PGM5: variants seen among roughly 807,000 people sequenced by gnomAD.
The protein encoded by PGM5 is phosphoglucomutase-like protein 5.
PGM5 carries 23 observed loss-of-function variants against 59.2 expected under a neutral mutation model. The ratio of observed to expected loss-of-function variants is 0.39; its 90% CI spans 0.28 to 0.55. The LOEUF (loss-of-function observed/expected upper bound fraction) is 0.55. Ranked by LOEUF, PGM5 falls within the 20% of genes least tolerant of loss-of-function variation. The pLI, the probability that PGM5 is intolerant of heterozygous loss-of-function variation, is 0.66. For synonymous variants in PGM5, 214 were observed against 286.0 expected (o/e 0.75, Z 2.54); for missense variants, 574 against 748.3 (o/e 0.77, Z 2.72).
chr9:68,377,742 G>T, intron 1 of PGM5, among the ~76,000 whole-genome samples: 1 of 152,278 alleles, frequency 6.6e-6, no homozygotes, highest in Non-Finnish European at 1.5e-5. Flanking sequence ...CAGGTGATGA[G>T]GTTGTACTAA....
In PGM5 at chr9:68,407,136, C is replaced by T. The variant is rs572266088; in HGVS notation, c.1043+14663C>T. Among the ~76,000 whole-genome samples the T allele has an allele frequency of 1.2e-3, 175 of 150,554 alleles. 1 individual carries two copies. Among genetic ancestry groups the T allele is most frequent in the Middle Eastern group, 3.4e-3 (1 of 294 alleles). ...AGTTAGTGACCTAGGAATAGACGTA[C>T]GTTTTTTTGGGGTGGGGAAGGGGTC... On this transcript the variant is annotated intron_variant, in intron 6 of 10. Coordinates refer to ENST00000396396, the MANE Select transcript of PGM5 (RefSeq NM_021965.4).
chr9:68,373,778 A>G (rs1821800254), intron 1 of PGM5, among the ~76,000 whole-genome samples: 1 of 152,236 alleles, frequency 6.6e-6, no homozygotes, highest in African/African-American at 2.4e-5. Context: ...TCCAATGAGG[A>G]TGTCCCTGGT....
chr9:68,407,827 C>T (rs1822850365), intron 6 of PGM5, among the ~76,000 whole-genome samples: 1 of 152,220 alleles, frequency 6.6e-6, no homozygotes, highest in South Asian at 2.1e-4. Context: ...ACATCCTGAG[C>T]AAAAGAATTG....
intron 6 of PGM5, among the ~76,000 whole-genome samples, chr9:68,404,494 A>G (rs11141457): frequency 0.05 from 7,663 of 152,228 alleles, 614 homozygotes; most frequent in East Asian, 0.41. Context: ...ATTAAGTACA[A>G]TGAGATCCTC....
Position 68,529,558 on chromosome 9 carries a change from C to A in PGM5, c.1615-9C>A, listed in dbSNP as rs1187991907. On this transcript the variant is annotated splice_polypyrimidine_tract_variant and intron_variant, in intron 10 of 10. Coordinates refer to ENST00000396396, the MANE Select transcript of PGM5 (RefSeq NM_021965.4). Reference sequence around the variant, plus strand: ...GAGTTGTTCACAGACTTTCCTTTTCCTTTTGCAGGCAGTGCTGAGCCCTCT... The same window carrying A: ...GAGTTGTTCACAGACTTTCCTTTTCATTTTGCAGGCAGTGCTGAGCCCTCT... 6.3e-7 allele frequency: 1 copy of A among 1,579,970 alleles called. No individual in the cohort carries two copies. Among genetic ancestry groups the A allele is most frequent in the African/African-American group, 1.3e-5 (1 of 74,450 alleles).
intron 6 of PGM5, among the ~76,000 whole-genome samples, chr9:68,460,988 T>A (rs1296707654): frequency 1.3e-5 from 2 of 152,150 alleles, no homozygotes; most frequent in Admixed American, 1.3e-4. Context: ...TTGGATTGAT[T>A]TCAGTGATGA....
chr9:68,522,017 G>A (rs1457621892), intron 10 of PGM5, among the ~76,000 whole-genome samples: 1 of 152,134 alleles, frequency 6.6e-6, no homozygotes, highest in Non-Finnish European at 1.5e-5. Context: ...CACTTTGGGA[G>A]GCCAAGACAG....
intron 6 of PGM5, among the ~76,000 whole-genome samples, chr9:68,416,978 T>C (rs1198160123): frequency 6.6e-6 from 1 of 152,158 alleles, no homozygotes; most frequent in Non-Finnish European, 1.5e-5. Context: ...TGTTGACAGA[T>C]TTTTTTTCCT....
intron 6 of PGM5, among the ~76,000 whole-genome samples, chr9:68,433,116 A>G (rs1285802079): frequency 1.3e-5 from 2 of 152,194 alleles, no homozygotes; most frequent in South Asian, 4.1e-4. Context: ...TGTAGTTTCT[A>G]GGTCAAAGAG....
intron 9 of PGM5, among the ~76,000 whole-genome samples, chr9:68,496,574 A>C (rs954512575): frequency 7.9e-5 from 12 of 152,242 alleles, no homozygotes; most frequent in African/African-American, 2.9e-4. Context: ...CATCTTTGTC[A>C]TCTTTCCAAG....
Position 68,357,060 on chromosome 9 carries a change from G to C in PGM5, c.-68G>C. On this transcript the variant is annotated 5_prime_UTR_variant, in exon 1 of 11. Transcript: ENST00000396396. ...GTCCCGGCGCGCAGCCAGGCTGGTG[G>C]AGGCCCCCGGCAGGCTGCAGATTCC... 1 of 1,387,066 alleles carries C rather than the reference G, an allele frequency of 7.2e-7. No individual in the cohort carries two copies. The highest frequency in any genetic ancestry group is 1.6e-5 in the South Asian group (1 of 64,184). 85.9% of individuals were successfully genotyped at this position (1,387,066 alleles called of 1,614,324 possible).
At chr9:68,360,244 T>C (rs1475725713) in intron 1 of PGM5, among the ~76,000 whole-genome samples, 2 of 151,988 alleles carry the variant, frequency 1.3e-5, no homozygotes, top group Non-Finnish European at 2.9e-5. Flanking sequence ...TATTTTAATA[T>C]CTCATAAAGT....
chr9:68,395,909 T>A (rs1224232821), intron 6 of PGM5: 1 of 151,362 alleles, frequency 6.6e-6, no homozygotes. Flanking sequence ...CACCAAAGAG[T>A]GGTATGTGAT....
chr9:68,416,441 A>C (rs1823033985), intron 6 of PGM5, among the ~76,000 whole-genome samples: 1 of 152,090 alleles, frequency 6.6e-6, no homozygotes, highest in African/African-American at 2.4e-5. Flanking sequence ...TATCTTTATT[A>C]ATTTTCTTCT....
intron 7 of PGM5, among the ~76,000 whole-genome samples, chr9:68,478,187 G>A (rs1485761752): frequency 1.3e-5 from 2 of 152,206 alleles, no homozygotes; most frequent in African/African-American, 4.8e-5. Flanking sequence ...AAATGGGCCT[G>A]TGACACACTC....
At chr9:68,397,335 G>A (rs528068834) in intron 6 of PGM5, 116 of 152,548 alleles carry the variant, frequency 7.6e-4, no homozygotes, top group African/African-American at 1.9e-3. Context: ...GGGCTGTGCC[G>A]AATTCTGTGC....
chr9:68,467,343 A>G (rs1381227224), intron 7 of PGM5, among the ~76,000 whole-genome samples: 6 of 152,158 alleles, frequency 3.9e-5, no homozygotes, highest in Admixed American at 2.6e-4. Flanking sequence ...TGCTTTGCCA[A>G]AGCTGAGAGA....
intron 9 of PGM5, 95 bp downstream of exon 9, chr9:68,484,143 G>T (rs1247288512): frequency 9.4e-7 from 1 of 1,065,356 alleles, no homozygotes; most frequent in South Asian, 1.4e-5. Context: ...GATCTAAGGT[G>T]ACCTCATTTT....
chr9:68,485,148 A>G (rs1446727122), intron 9 of PGM5, among the ~76,000 whole-genome samples: 2 of 152,080 alleles, frequency 1.3e-5, no homozygotes, highest in African/African-American at 2.4e-5. Context: ...TCTACCTTAT[A>G]TCTTCCTCAG....
Sources: allele counts gnomAD v4.1 joint callset (sites outside exome capture counted in the v4.1 genomes callset), GRCh38; gene constraint gnomAD v4.1.1; transcripts MANE v1.5; gene names NCBI Gene and HGNC (gene_info 2026-07-23, HGNC 2026-07-21).